Variants in PRDM16 observed in about 807,000 individuals in gnomAD.
The protein encoded by PRDM16 is PR/SET domain 16, also known as histone-lysine N-methyltransferase PRDM16.
In PRDM16, 23 loss-of-function variants were observed where a neutral mutation model predicts 110.6. The ratio of observed to expected loss-of-function variants is 0.21; its 90% CI spans 0.15 to 0.29. The LOEUF (loss-of-function observed/expected upper bound fraction) is 0.29, where lower values mean the gene tolerates loss of function less well. Among genes scored for constraint, PRDM16 ranks in the 10% least tolerant of loss-of-function variants. The pLI, the probability that PRDM16 is intolerant of heterozygous loss-of-function variation, is 1.00. For missense variants in PRDM16, 1,615 were observed against 1,794.3 expected (o/e 0.90, Z 1.81); for synonymous variants, 799 against 781.8 (o/e 1.02, Z -0.37).
chr1:3,296,097 G>A lies in PRDM16; in HGVS notation c.438+51960G>A, dbSNP rs548701406. On this transcript the variant is annotated intron_variant, in intron 3 of 16. Coordinates refer to ENST00000270722, the MANE Select transcript of PRDM16 (RefSeq NM_022114.4). Reference sequence around the variant, plus strand: ...GCCATTTTCAAGCCTCAGCCTGGGCGGTCATCTGCTCAGATCCACTCCGAG... The same window carrying A: ...GCCATTTTCAAGCCTCAGCCTGGGCAGTCATCTGCTCAGATCCACTCCGAG... 3.8e-4 allele frequency among the ~76,000 whole-genome samples: 58 copies of A among 152,310 alleles called. 1 individual carries two copies. Among genetic ancestry groups the A allele is most frequent in the Admixed American group, 2.0e-3 (31 of 15,304 alleles).
At chr1:3,374,915 G>A (rs978181070) in intron 3 of PRDM16, among the ~76,000 whole-genome samples, 35 of 152,310 alleles carry the variant, frequency 2.3e-4, no homozygotes, top group South Asian at 4.1e-4. Context: ...CCAGTGGCCC[G>A]AAGTGGCCGC....
At chr1:3,096,314 A>G (rs1020898896) in intron 1 of PRDM16, among the ~76,000 whole-genome samples, 5 of 152,090 alleles carry the variant, frequency 3.3e-5, no homozygotes, top group Non-Finnish European at 7.4e-5. Context: ...CTCTAGCCCC[A>G]GAACCCCGCG....
chr1:3,194,646 A>ATGCCACCGTCTGAT (rs1638412501), intron 2 of PRDM16, among the ~76,000 whole-genome samples: 5 of 148,724 alleles, frequency 3.4e-5, no homozygotes, highest in African/African-American at 7.4e-5. Context: ...TCCCCGCCAC[A>ATGCCACCGTCTGAT]CGCCACCGTC....
At chr1:3,084,418 CCA>C (rs1393187601) in intron 1 of PRDM16, among the ~76,000 whole-genome samples, 1 of 152,232 alleles carries the variant, frequency 6.6e-6, no homozygotes, top group Non-Finnish European at 1.5e-5. Context: ...GAGAGCCTCT[CCA>C]CAGTCTGTGC....
At chr1:3,231,763 G>A (rs1210585216) in intron 2 of PRDM16, among the ~76,000 whole-genome samples, 1 of 152,218 alleles carries the variant, frequency 6.6e-6, no homozygotes, top group East Asian at 1.9e-4. Flanking sequence ...AAATGCAGAC[G>A]TGGGACCCCG....
chr1:3,368,256 C>A (rs1171348841), intron 3 of PRDM16, among the ~76,000 whole-genome samples: 1 of 152,238 alleles, frequency 6.6e-6, no homozygotes, highest in Non-Finnish European at 1.5e-5. Flanking sequence ...TCGTGGCGGA[C>A]TTCCCAGCTC....
At chr1:3,294,299 G>A (rs1201831234) in intron 3 of PRDM16, among the ~76,000 whole-genome samples, 2 of 152,012 alleles carry the variant, frequency 1.3e-5, no homozygotes, top group African/African-American at 2.4e-5. Context: ...CCAGGCTGGA[G>A]GGCACCCCCG....
At chr1:3,418,071 G>C (rs771743558) in intron 11 of PRDM16, 74 bp downstream of exon 11, 14 of 1,317,764 alleles carry the variant, frequency 1.1e-5, no homozygotes, top group Non-Finnish European at 1.4e-5. Context: ...GTGAACCTGT[G>C]CTTCCAGGAA....
chr1:3,153,814 C>T (rs1201655076), intron 1 of PRDM16, among the ~76,000 whole-genome samples: 3 of 152,244 alleles, frequency 2.0e-5, no homozygotes, highest in African/African-American at 4.8e-5. Flanking sequence ...ATATAGAAAA[C>T]GCAGTAAATA....
chr1:3,158,254 C>T (rs1458389311), intron 1 of PRDM16, among the ~76,000 whole-genome samples: 1 of 152,230 alleles, frequency 6.6e-6, no homozygotes, highest in Non-Finnish European at 1.5e-5. Flanking sequence ...TAGAGGCACA[C>T]TGCGAAGGGG....
chr1:3,369,454 G>A (rs1239515965), intron 3 of PRDM16, among the ~76,000 whole-genome samples: 1 of 152,226 alleles, frequency 6.6e-6, no homozygotes, highest in Non-Finnish European at 1.5e-5. Context: ...ATCCAGGAAG[G>A]AGCCTGTGTC....
At position 3,433,036 on chromosome 1, in the gene PRDM16, G is replaced by A. The variant is rs374969852; in HGVS notation, c.3697-641G>A. On this transcript the variant is annotated intron_variant, in intron 16 of 16. Coordinates refer to ENST00000270722, the MANE Select transcript of PRDM16 (RefSeq NM_022114.4). ...AAAACAGACATCCCCTGGCAGGGGT[G>A]GCTCTTGTTGACCCCCAGTTCCCAG... Among the ~76,000 whole-genome samples the A allele has an allele frequency of 7.9e-5, 12 of 152,348 alleles. 1 individual carries two copies. In the East Asian group the frequency reaches 1.9e-3, roughly 25 times the overall value.
At chr1:3,116,328 A>G (rs890190180) in intron 1 of PRDM16, among the ~76,000 whole-genome samples, 2 of 152,086 alleles carry the variant, frequency 1.3e-5, no homozygotes, top group African/African-American at 4.8e-5. Context: ...GTGCGTGCTT[A>G]ATACCCACAG....
At chr1:3,337,358 C>T (rs1470802334) in intron 3 of PRDM16, among the ~76,000 whole-genome samples, 1 of 152,218 alleles carries the variant, frequency 6.6e-6, no homozygotes, top group Non-Finnish European at 1.5e-5. Context: ...CTCTGAGCAT[C>T]CCCACCGCTT....
chr1:3,186,542 C>T (rs1241928301), intron 2 of PRDM16, 68 bp downstream of exon 2: 3 of 1,098,538 alleles, frequency 2.7e-6, no homozygotes, highest in East Asian at 2.7e-5. Flanking sequence ...TTTATAAAGC[C>T]GGGCTGAGCA....
chr1:3,124,004 CCTT>C (rs1003472753), intron 1 of PRDM16, among the ~76,000 whole-genome samples: 4 of 152,346 alleles, frequency 2.6e-5, no homozygotes, highest in Non-Finnish European at 5.9e-5. Flanking sequence ...CGAGTCGTCT[CCTT>C]CTCCCAGGCT....
intron 1 of PRDM16, among the ~76,000 whole-genome samples, chr1:3,084,120 G>A (rs1642095354): frequency 6.6e-6 from 1 of 152,214 alleles, no homozygotes. Flanking sequence ...GGGCTCCCTG[G>A]AGGAGAAAGG....
chr1:3,098,233 G>T (rs1642451676), intron 1 of PRDM16, among the ~76,000 whole-genome samples: 1 of 152,148 alleles, frequency 6.6e-6, no homozygotes, highest in Non-Finnish European at 1.5e-5. Context: ...TCCCCACCCT[G>T]GGTCTGGAAA....
rs948988123 is a variant in PRDM16 at position 3,081,449 on chromosome 1, C to T, written c.37+12153C>T. 2.6e-5 allele frequency among the ~76,000 whole-genome samples: 4 copies of T among 152,170 alleles called. No individual in the cohort carries two copies. The highest frequency in any genetic ancestry group is 1.3e-4 in the Admixed American group (2 of 15,282). On this transcript the variant is annotated intron_variant, in intron 1 of 16. Transcript: ENST00000270722. This position sits in a 1 kb window ranked among gnomAD's most constrained non-coding sequence, Gnocchi z 4.6. ...GCCCCTGGAGAGCCCCCTCCTTGTC[C>T]CACCAGACCGAGCTGTGGCCGTGTG...
Sources: allele counts gnomAD v4.1 joint callset (sites outside exome capture counted in the v4.1 genomes callset), GRCh38; gene constraint gnomAD v4.1.1; non-coding constraint Gnocchi (gnomAD v3.1); transcripts MANE v1.5; gene names NCBI Gene and HGNC (gene_info 2026-07-23, HGNC 2026-07-21).